Variants in WDR19 observed in about 807,000 individuals in gnomAD.
The protein encoded by WDR19 is WD repeat domain 19.
Under a neutral mutation model 180.0 loss-of-function variants are expected in WDR19, and 121 were observed. The ratio of observed to expected loss-of-function variants is 0.67; its 90% CI spans 0.58 to 0.78. WDR19 has a LOEUF of 0.78. Among genes scored for constraint, WDR19 ranks in the 30% least tolerant of loss-of-function variants. WDR19 has a pLI of 0.00. For synonymous variants in WDR19, 497 were observed against 540.7 expected (o/e 0.92, Z 1.12); for missense variants, 1,450 against 1,640.7 (o/e 0.88, Z 2.01).
chr4:39,281,788 T>TAATC (rs1736568077), intron 36 of WDR19, among the ~76,000 whole-genome samples: 1 of 152,228 alleles, frequency 6.6e-6, no homozygotes, highest in African/African-American at 2.4e-5. Context: ...CTCAAGGCGA[T>TAATC]AATCATCGTG....
chr4:39,251,444 G>A (rs1474902527), intron 24 of WDR19, among the ~76,000 whole-genome samples: 4 of 151,524 alleles, frequency 2.6e-5, no homozygotes, highest in East Asian at 3.9e-4. Context: ...TCAGGACATA[G>A]GCATGGGCAA....
intron 7 of WDR19, 144 bp from the exon 8 acceptor site, chr4:39,205,010 C>A: frequency 1.7e-6 from 1 of 575,144 alleles, no homozygotes; most frequent in African/African-American, 1.9e-5. Context: ...CATTTTTAGT[C>A]ATATTGTACT....
intron 19 of WDR19, among the ~76,000 whole-genome samples, chr4:39,232,491 G>A (rs372470410): frequency 2.2e-4 from 33 of 152,148 alleles, no homozygotes; most frequent in East Asian, 9.6e-4. Flanking sequence ...CGGACGTGGT[G>A]GCATGTGCCT....
chr4:39,186,460 C>G, intron 2 of WDR19, 79 bp from the exon 3 acceptor site: 3 of 1,040,408 alleles, frequency 2.9e-6, no homozygotes, highest in Non-Finnish European at 3.7e-6. Flanking sequence ...GCCTGGGCAA[C>G]AGAGGGAGAC....
At position 39,185,959 on chromosome 4, in the gene WDR19, G is replaced by T. The variant is rs1018007261; in HGVS notation, c.98+142G>T. 5 of 672,508 alleles carry T rather than the reference G, an allele frequency of 7.4e-6. No homozygotes were observed. In the South Asian group the frequency reaches 7.6e-5, roughly 10 times the overall value. The allele number at this position is 672,508 out of a possible 1,614,324, so 41.7% of individuals were successfully genotyped here. ...TGCCCAGGATGGAGTGCAGTGGCAC[G>T]ATCTCAGCTTGCTGCAACCTCCGCC... On this transcript the variant is annotated intron_variant, in intron 2 of 36. Transcript: ENST00000399820.
rs910412253 is a variant in WDR19 at position 39,239,471 on chromosome 4, A to G, written c.2364-806A>G. Among the ~76,000 whole-genome samples the G allele has an allele frequency of 3.9e-5, 6 of 152,080 alleles. 1 individual carries two copies. The highest frequency in any genetic ancestry group is 4.1e-4 in the South Asian group (2 of 4,832). ...AAAAAAAAATGTGTTTTATGGTCAC[A>G]TGATTGTCATTTAGTGCCCCAAAGG... On this transcript the variant is annotated intron_variant, in intron 20 of 36. Coordinates refer to ENST00000399820, the MANE Select transcript of WDR19 (RefSeq NM_025132.4).
At chr4:39,282,919 C>T (rs906920859) in intron 36 of WDR19, among the ~76,000 whole-genome samples, 6 of 109,568 alleles carry the variant, frequency 5.5e-5, no homozygotes, top group Admixed American at 2.4e-4. Context: ...AGATTTTCTG[C>T]GTAAAGTCAT....
At chr4:39,217,949 A>C in intron 13 of WDR19, 34 bp from the exon 14 acceptor site, 3 of 1,609,780 alleles carry the variant, frequency 1.9e-6, no homozygotes, top group Non-Finnish European at 2.5e-6. Flanking sequence ...TACTCAAATA[A>C]ATCTGTGAGC....
chr4:39,278,063 A>C lies in WDR19; in HGVS notation c.3841-68A>C. ...GGCAAGATTCCGTCAAAAAAAAAAAAAAAATTGACTAACAGTGGGAGTTTT... is the reference window on the plus strand; with the variant it reads ...GGCAAGATTCCGTCAAAAAAAAAAACAAAATTGACTAACAGTGGGAGTTTT... On this transcript the variant is annotated intron_variant, in intron 34 of 36. Coordinates refer to ENST00000399820, the MANE Select transcript of WDR19 (RefSeq NM_025132.4). The C allele has an allele frequency of 2.1e-6, 3 of 1,415,046 alleles. No homozygotes were observed. The South Asian group carries it at 3.9e-5, about 18-fold the overall frequency. The allele number at this position is 1,415,046 out of a possible 1,614,324, so 87.7% of individuals were successfully genotyped here.
In WDR19 at chr4:39,203,828, ATTGACTGTAT is replaced by A. The variant is rs1052528570; in HGVS notation, c.603+109_603+118del. ...AAATAGTGATAAATAAATTAGGTCCATTGACTGTATTTTAAGCCAAGGTAGAGCTAGGTCT... is the reference window on the plus strand; with the variant it reads ...AAATAGTGATAAATAAATTAGGTCCATTTAAGCCAAGGTAGAGCTAGGTCT... On this transcript the variant is annotated intron_variant, in intron 7 of 36. Coordinates refer to ENST00000399820, the MANE Select transcript of WDR19 (RefSeq NM_025132.4). 62 of 1,105,852 alleles carry A rather than the reference ATTGACTGTAT, an allele frequency of 5.6e-5. No individual in the cohort carries two copies. In the African/African-American group the frequency reaches 9.0e-4, roughly 16 times the overall value. The allele number at this position is 1,105,852 out of a possible 1,614,324, so 68.5% of individuals were successfully genotyped here.
chr4:39,196,924 C>T (rs1030670577), intron 5 of WDR19, among the ~76,000 whole-genome samples: 1 of 152,182 alleles, frequency 6.6e-6, no homozygotes, highest in Non-Finnish European at 1.5e-5. Context: ...CATTTAATAC[C>T]TGCTTTCTGC....
Position 39,199,533 on chromosome 4 carries a change from T to C in WDR19, c.462T>C (p.Ala154=), listed in dbSNP as rs2109283486. ...GTTGGAATGCAGAAAATCTGCTTGC[T>C]TTAGGTGGTGAAGATAAAATGATTA... is the stretch of plus-strand genomic sequence containing the variant. ...CGCWNAENLL[A]LGGEDKMITV... The change falls in exon 6 of 37, where the codon GCT becomes GCC. Residue 154 remains alanine (A), a synonymous_variant. Coordinates refer to ENST00000399820, the MANE Select transcript of WDR19 (RefSeq NM_025132.4). 2 of 1,613,476 alleles carry C rather than the reference T, an allele frequency of 1.2e-6. No individual in the cohort carries two copies. The highest frequency in any genetic ancestry group is 1.7e-6 in the Non-Finnish European group (2 of 1,179,706).
At chr4:39,201,921 G>T (rs369467534) in intron 6 of WDR19, among the ~76,000 whole-genome samples, 5 of 152,144 alleles carry the variant, frequency 3.3e-5, no homozygotes. Context: ...TACATTATAA[G>T]TGTTGCTTTG....
chr4:39,222,144 G>C (rs1729767787), intron 14 of WDR19, among the ~76,000 whole-genome samples: 1 of 152,126 alleles, frequency 6.6e-6, no homozygotes, highest in South Asian at 2.1e-4. Flanking sequence ...TGGTATCATT[G>C]TTATTTTAAT....
At chr4:39,250,940 A>G (rs1350271399) in intron 24 of WDR19, among the ~76,000 whole-genome samples, 1 of 152,226 alleles carries the variant, frequency 6.6e-6, no homozygotes, top group Non-Finnish European at 1.5e-5. Flanking sequence ...TGCCGAAGGT[A>G]ATTTATAGAT....
rs1472687933 is a variant in WDR19 at position 39,186,545 on chromosome 4, T to C, written c.105T>C (p.Asp35=). 3 of 1,576,346 alleles carry C rather than the reference T, an allele frequency of 1.9e-6. No individual in the cohort carries two copies. The Admixed American group carries it at 5.5e-5, about 29-fold the overall frequency. Residue 35 remains aspartate (D), a synonymous_variant, in exon 3 of 37, where the codon GAT becomes GAC. Coordinates refer to ENST00000399820, the MANE Select transcript of WDR19 (RefSeq NM_025132.4). Reference sequence around the variant, plus strand: ...ATGTTCTGATTGCTTTCAGAGCTGATTATATTGTGAAAATCTTTGATCGCC... The same window carrying C: ...ATGTTCTGATTGCTTTCAGAGCTGACTATATTGTGAAAATCTTTGATCGCC... ...SGNYLAVTGA[D]YIVKIFDRHG... is the part of the protein sequence containing the mutation.
chr4:39,203,548 G>A, intron 6 of WDR19, 94 bp from the exon 7 acceptor site: 7 of 1,057,272 alleles, frequency 6.6e-6, no homozygotes, highest in Middle Eastern at 2.0e-4. Context: ...TCCAACATTA[G>A]TCAGGAATGA....
At chr4:39,276,529 CTTAG>C (rs1289433135) in intron 33 of WDR19, among the ~76,000 whole-genome samples, 3 of 152,234 alleles carry the variant, frequency 2.0e-5, no homozygotes, top group Non-Finnish European at 4.4e-5. Flanking sequence ...AAAAGTTAAA[CTTAG>C]TTCTTCGCAC....
intron 6 of WDR19, among the ~76,000 whole-genome samples, 186 bp downstream of exon 6, chr4:39,199,779 A>G (rs943323099): frequency 1.2e-4 from 19 of 152,216 alleles, no homozygotes; most frequent in Non-Finnish European, 2.8e-4. Flanking sequence ...TTTGATATGA[A>G]TATGTTATCC....
Sources: gnomAD v4.1 joint callset for allele counts (sites outside exome capture counted in the v4.1 genomes callset) on GRCh38, gnomAD v4.1.1 for gene constraint, MANE v1.5 for transcripts, NCBI Gene and HGNC (gene_info 2026-07-23, HGNC 2026-07-21) for gene names.